Variants in IKZF3 observed in about 807,000 individuals in gnomAD.
The protein encoded by IKZF3 is zinc finger protein Aiolos.
IKZF3 carries 10 observed loss-of-function variants against 49.0 expected under a neutral mutation model. That is an observed-to-expected ratio of 0.20 (90% confidence interval 0.13 to 0.35). IKZF3 has a LOEUF of 0.35. Ranked by LOEUF, IKZF3 falls within the 10% of genes least tolerant of loss-of-function variation. The probability of loss-of-function intolerance (pLI) is 1.00; values close to 1 mark genes in which losing one functional copy is unlikely to be tolerated. For synonymous variants in IKZF3, 209 were observed against 228.2 expected, an observed-to-expected ratio of 0.92 and a Z score of 0.76; for missense variants, 498 against 664.8, an observed-to-expected ratio of 0.75 and a Z score of 2.76.
chr17:39,778,293 C>A (rs2060641169), intron 6 of IKZF3: 1 of 556,052 alleles, frequency 1.8e-6, no homozygotes, highest in Non-Finnish European at 2.3e-6. Context: ...TGAGTGGTTT[C>A]TTTCTTTTTC....
At chr17:39,839,932 G>A (rs958653903) in intron 1 of IKZF3, among the ~76,000 whole-genome samples, 2 of 152,118 alleles carry the variant, frequency 1.3e-5, no homozygotes, top group African/African-American at 4.8e-5. Context: ...AAGTGCTAGG[G>A]TTACAGACTT....
Position 39,764,766 on chromosome 17 carries a change from C to T in IKZF3, c.*1024G>A, listed in dbSNP as rs2060250898. 1 of 152,218 alleles carries T rather than the reference C, an allele frequency of 6.6e-6. No homozygotes were observed. The allele number at this position is 152,218 out of a possible 1,614,324, so 9.4% of individuals were successfully genotyped here. On this transcript the variant is annotated 3_prime_UTR_variant, in exon 8 of 8. Transcript: ENST00000346872. ...CTCCTCACCCCATTCCGGAGCTCAA[C>T]TCCGATCTAAACACACATGCCATCT...
At chr17:39,811,802 T>C (rs747568027) in intron 3 of IKZF3, among the ~76,000 whole-genome samples, 1 of 152,226 alleles carries the variant, frequency 6.6e-6, no homozygotes, top group Non-Finnish European at 1.5e-5. Flanking sequence ...GCATTTACTA[T>C]ATTCCCAGAA....
intron 1 of IKZF3, among the ~76,000 whole-genome samples, chr17:39,844,749 A>G (rs960775794): frequency 2.0e-5 from 3 of 152,056 alleles, no homozygotes; most frequent in Non-Finnish European, 4.4e-5. Flanking sequence ...TAGCCTCCCA[A>G]GTAGCTGGGA....
chr17:39,790,324 A>C (rs952405599), intron 5 of IKZF3, among the ~76,000 whole-genome samples: 7 of 151,828 alleles, frequency 4.6e-5, no homozygotes, highest in Middle Eastern at 3.4e-3. Flanking sequence ...TACTTGAAAA[A>C]GGCAACAGTA....
At chr17:39,816,136 A>G (rs984234013) in intron 3 of IKZF3, among the ~76,000 whole-genome samples, 1 of 152,250 alleles carries the variant, frequency 6.6e-6, no homozygotes, top group Non-Finnish European at 1.5e-5. Flanking sequence ...ATTTTCAGGA[A>G]TAAAGGAGAA....
intron 6 of IKZF3, among the ~76,000 whole-genome samples, chr17:39,787,627 A>G (rs1395119764): frequency 6.6e-6 from 1 of 152,322 alleles, no homozygotes; most frequent in South Asian, 2.1e-4. Flanking sequence ...CACCACCTCT[A>G]CCACTAACAA....
chr17:39,839,967 T>C (rs138757553), intron 1 of IKZF3, among the ~76,000 whole-genome samples: 3 of 152,014 alleles, frequency 2.0e-5, no homozygotes, highest in Non-Finnish European at 4.4e-5. Flanking sequence ...GACCAGACTT[T>C]TTACTTTTTA....
intron 6 of IKZF3, among the ~76,000 whole-genome samples, chr17:39,778,955 G>GC (rs1262345955): frequency 5.9e-5 from 9 of 152,162 alleles, no homozygotes; most frequent in Non-Finnish European, 1.2e-4. Flanking sequence ...CTATGCCCAG[G>GC]CCCCCCTTCA....
intron 1 of IKZF3, among the ~76,000 whole-genome samples, chr17:39,832,471 G>GA (rs1053879339): frequency 6.7e-6 from 1 of 150,304 alleles, no homozygotes; most frequent in Non-Finnish European, 1.5e-5. Flanking sequence ...TGAACACATA[G>GA]AAAAAAAGAG....
At chr17:39,792,314 T>C (rs1216454527) in intron 4 of IKZF3, among the ~76,000 whole-genome samples, 1 of 152,150 alleles carries the variant, frequency 6.6e-6, no homozygotes, top group African/African-American at 2.4e-5. Context: ...TTGAACCCAA[T>C]ACAATAAGAA....
chr17:39,804,060 A>T (rs2061382538), intron 3 of IKZF3, among the ~76,000 whole-genome samples: 2 of 152,206 alleles, frequency 1.3e-5, no homozygotes, highest in Non-Finnish European at 2.9e-5. Context: ...TCTCCCATAT[A>T]GACTAGGAGT....
chr17:39,846,179 A>C (rs2062625488), intron 1 of IKZF3, among the ~76,000 whole-genome samples: 1 of 152,184 alleles, frequency 6.6e-6, no homozygotes, highest in Admixed American at 6.5e-5. Flanking sequence ...TTAACACCTT[A>C]TCTCTTAAAT....
At position 39,763,639 on chromosome 17, in the gene IKZF3, T is replaced by A. The variant is rs1291464258; in HGVS notation, c.*2151A>T. ...CAACTCAGTGGTTAAAGGAAAAACT[T>A]AACACACCATTTTCATACCAAAGGA... On this transcript the variant is annotated 3_prime_UTR_variant, in exon 8 of 8. Transcript: ENST00000346872. 1.3e-5 allele frequency: 2 copies of A among 152,214 alleles called. No individual in the cohort carries two copies. The highest frequency in any genetic ancestry group is 4.8e-5 in the African/African-American group (2 of 41,450). The allele number at this position is 152,214 out of a possible 1,614,324, so 9.4% of individuals were successfully genotyped here.
rs754753353 is a variant in IKZF3 at position 39,825,946 on chromosome 17, T to C, written c.163+3441A>G. 2.0e-5 allele frequency among the ~76,000 whole-genome samples: 3 copies of C among 152,126 alleles called. No homozygotes were observed. In the East Asian group the frequency reaches 5.8e-4, roughly 29 times the overall value. On this transcript the variant is annotated intron_variant, in intron 3 of 7. Coordinates refer to ENST00000346872, the MANE Select transcript of IKZF3 (RefSeq NM_012481.5). ...ATCCTCTTTTCCCCTACAATTGACT[T>C]TGGAACTATGTGAGGAGCTGCTGGA...
rs147839266 is a variant in IKZF3 at position 39,828,362 on chromosome 17, T to A, written c.163+1025A>T. Among the ~76,000 whole-genome samples the A allele has an allele frequency of 1.1e-4, 16 of 152,318 alleles. No individual in the cohort carries two copies. In the East Asian group the frequency reaches 3.1e-3, roughly 29 times the overall value. On this transcript the variant is annotated intron_variant, in intron 3 of 7. Coordinates refer to ENST00000346872, the MANE Select transcript of IKZF3 (RefSeq NM_012481.5). ...ACTGAGGGAGAGGTGCTTGCTAGAC[T>A]AGTATTGCTGCCTACGATCTAGACC...
At chr17:39,825,900 A>C (rs549948852) in intron 3 of IKZF3, among the ~76,000 whole-genome samples, 4 of 152,202 alleles carry the variant, frequency 2.6e-5, no homozygotes, top group Non-Finnish European at 5.9e-5. Context: ...GAATGAAAGG[A>C]TGATATACTC....
chr17:39,839,652 G>C, intron 1 of IKZF3: 1 of 334,962 alleles, frequency 3.0e-6, no homozygotes, highest in Admixed American at 4.7e-5. Context: ...GGTATGATTT[G>C]AGCCCTCTTC....
rs2143531984 is a variant in IKZF3, at chr17:39,763,784, G to GAGAA, written c.*2002_*2005dup. On this transcript the variant is annotated 3_prime_UTR_variant, in exon 8 of 8. Coordinates refer to ENST00000346872, the MANE Select transcript of IKZF3 (RefSeq NM_012481.5). Reference sequence around the variant, plus strand: ...TGAATTAAAGCTAGAAGGGACCTAAGAGAACATTGAAATCTAATTCCTATT... The same window carrying GAGAA: ...TGAATTAAAGCTAGAAGGGACCTAAGAGAAAGAACATTGAAATCTAATTCCTATT... 1 of 152,292 alleles carries GAGAA rather than the reference G, an allele frequency of 6.6e-6. No individual in the cohort carries two copies. Among genetic ancestry groups the GAGAA allele is most frequent in the East Asian group, 1.9e-4 (1 of 5,180 alleles). 9.4% of individuals were successfully genotyped at this position (152,292 alleles called of 1,614,324 possible).
Sources: gnomAD v4.1 joint callset for allele counts (sites outside exome capture counted in the v4.1 genomes callset) on GRCh38, gnomAD v4.1.1 for gene constraint, MANE v1.5 for transcripts, NCBI Gene and HGNC (gene_info 2026-07-23, HGNC 2026-07-21) for gene names.